Variants in MAN2A1 observed in about 807,000 individuals in gnomAD.
MAN2A1 encodes the protein alpha-mannosidase 2.
In MAN2A1, 76 loss-of-function variants were observed where a neutral mutation model predicts 142.6. That is an observed-to-expected ratio of 0.53 (90% CI 0.44 to 0.65). The LOEUF (loss-of-function observed/expected upper bound fraction) is 0.65, where lower values mean the gene tolerates loss of function less well. MAN2A1 is among the 30% of genes least tolerant of loss of function. The pLI is 0.00. For synonymous variants in MAN2A1, 559 were observed against 473.2 expected (o/e 1.18, Z -2.35); for missense variants, 1,311 against 1,365.1 (o/e 0.96, Z 0.62).
chr5:109,832,149 GGAA>G (rs1275072631), intron 16 of MAN2A1, among the ~76,000 whole-genome samples: 5 of 136,716 alleles, frequency 3.7e-5, no homozygotes, highest in Non-Finnish European at 7.9e-5. Context: ...AGCTGGTAAT[GGAA>G]GGAGTTTTCT....
intron 16 of MAN2A1, among the ~76,000 whole-genome samples, chr5:109,832,370 A>G (rs1754934112): frequency 6.6e-6 from 1 of 151,754 alleles, no homozygotes; most frequent in Non-Finnish European, 1.5e-5. Flanking sequence ...GGGAGTGGTG[A>G]TGACTCTTAA....
intron 20 of MAN2A1, among the ~76,000 whole-genome samples, chr5:109,857,422 G>A (rs1361165007): frequency 6.6e-6 from 1 of 152,108 alleles, no homozygotes; most frequent in Non-Finnish European, 1.5e-5. Context: ...AATACTCTGG[G>A]CTTGAGGTTA....
intron 1 of MAN2A1, among the ~76,000 whole-genome samples, chr5:109,708,386 A>C (rs1318362524): frequency 6.6e-6 from 1 of 152,006 alleles, no homozygotes; most frequent in Non-Finnish European, 1.5e-5. Context: ...TTTGTAAGGA[A>C]GGGGGATAAT....
chr5:109,716,956 C>G (rs1315072957), intron 3 of MAN2A1, among the ~76,000 whole-genome samples: 1 of 152,152 alleles, frequency 6.6e-6, no homozygotes, highest in Admixed American at 6.5e-5. Flanking sequence ...ACCCCTGACC[C>G]CGCCCTGCCA....
chr5:109,854,571 A>G lies in MAN2A1; in HGVS notation c.2977-569A>G, dbSNP rs1411090274. On this transcript the variant is annotated intron_variant, in intron 19 of 21. Transcript: ENST00000261483. Reference sequence around the variant, plus strand: ...TCTAGGCATGCCGCCTATGTTATTTATATTTAAAAATTGGATTTATTTTGA... The same window carrying G: ...TCTAGGCATGCCGCCTATGTTATTTGTATTTAAAAATTGGATTTATTTTGA... 3 of 152,302 alleles carry G rather than the reference A, an allele frequency of 2.0e-5. No individual in the cohort carries two copies. In the South Asian group the frequency reaches 6.2e-4, roughly 32 times the overall value. 9.4% of individuals were successfully genotyped at this position (152,302 alleles called of 1,614,324 possible).
chr5:109,715,859 A>G (rs1751437993), intron 2 of MAN2A1, among the ~76,000 whole-genome samples: 1 of 152,154 alleles, frequency 6.6e-6, no homozygotes, highest in Non-Finnish European at 1.5e-5. Context: ...TAGGAGAAGA[A>G]GGAATAGAAT....
intron 4 of MAN2A1, among the ~76,000 whole-genome samples, chr5:109,735,130 C>T (rs527431204): frequency 6.6e-6 from 1 of 152,218 alleles, no homozygotes; most frequent in African/African-American, 2.4e-5. Flanking sequence ...TAAGTAATGG[C>T]CTTCTTTGTC....
chr5:109,816,130 A>G (rs930001303), intron 12 of MAN2A1, among the ~76,000 whole-genome samples: 3 of 152,234 alleles, frequency 2.0e-5, no homozygotes, highest in Non-Finnish European at 4.4e-5. Context: ...TTATGCTAGT[A>G]AGAAAATCAA....
chr5:109,865,413 C>A, intron 21 of MAN2A1: 1 of 403,254 alleles, frequency 2.5e-6, no homozygotes, highest in Non-Finnish European at 4.6e-6. Context: ...CTATTTCCAG[C>A]CTACAAAGTG....
intron 18 of MAN2A1, among the ~76,000 whole-genome samples, chr5:109,846,318 GA>G (rs1268952501): frequency 6.6e-6 from 1 of 152,174 alleles, no homozygotes; most frequent in African/African-American, 2.4e-5. Flanking sequence ...TGATTTAACG[GA>G]TGTGGAAACT....
At chr5:109,768,227 C>T (rs905367126) in intron 6 of MAN2A1, among the ~76,000 whole-genome samples, 1 of 132,738 alleles carries the variant, frequency 7.5e-6, no homozygotes, top group Non-Finnish European at 1.6e-5. Context: ...TTGTGCAGCT[C>T]TTTATTAGGA....
intron 19 of MAN2A1, among the ~76,000 whole-genome samples, chr5:109,852,734 T>G (rs949931003): frequency 3.7e-4 from 57 of 152,226 alleles, no homozygotes; most frequent in African/African-American, 1.3e-3. Context: ...GGCTGGGGTA[T>G]TCATTTATAA....
chr5:109,843,582 T>C (rs1345799844), intron 17 of MAN2A1, among the ~76,000 whole-genome samples: 1 of 152,224 alleles, frequency 6.6e-6, no homozygotes, highest in African/African-American at 2.4e-5. Flanking sequence ...TCTTCCTCTA[T>C]ATGTGTGTGT....
chr5:109,709,682 T>C (rs1751241378), intron 1 of MAN2A1, among the ~76,000 whole-genome samples: 1 of 152,238 alleles, frequency 6.6e-6, no homozygotes, highest in African/African-American at 2.4e-5. Context: ...ATTTGTTCTC[T>C]CAAAGGTATT....
intron 12 of MAN2A1, among the ~76,000 whole-genome samples, chr5:109,814,014 A>T (rs947627571): frequency 6.6e-6 from 1 of 152,146 alleles, no homozygotes; most frequent in African/African-American, 2.4e-5. Context: ...GAGAACTGAG[A>T]TAATTGCTCA....
chr5:109,708,104 G>A (rs1176165314), intron 1 of MAN2A1, among the ~76,000 whole-genome samples: 2 of 152,116 alleles, frequency 1.3e-5, no homozygotes, highest in African/African-American at 4.8e-5. Flanking sequence ...AACATTTAGA[G>A]CTTGGGAGAG....
At chr5:109,785,794 G>A (rs1025198797) in intron 10 of MAN2A1, among the ~76,000 whole-genome samples, 5 of 151,872 alleles carry the variant, frequency 3.3e-5, no homozygotes, top group Non-Finnish European at 7.4e-5. Flanking sequence ...TCCTGATACT[G>A]TTTATCAGCA....
At chr5:109,731,454 G>T (rs1409760342) in intron 4 of MAN2A1, among the ~76,000 whole-genome samples, 1 of 150,380 alleles carries the variant, frequency 6.6e-6, no homozygotes, top group Non-Finnish European at 1.5e-5. Flanking sequence ...CTGGTGTGCT[G>T]CACCCATTAA....
intron 10 of MAN2A1, 73 bp downstream of exon 10, chr5:109,784,999 T>C (rs1753560292): frequency 1.7e-6 from 2 of 1,180,102 alleles, no homozygotes; most frequent in Non-Finnish European, 2.4e-6. Flanking sequence ...TATCTTTTGG[T>C]GAAGTTGTTA....
Sources: allele counts gnomAD v4.1 joint callset (sites outside exome capture counted in the v4.1 genomes callset), GRCh38; gene constraint gnomAD v4.1.1; transcripts MANE v1.5; gene names NCBI Gene and HGNC (gene_info 2026-07-23, HGNC 2026-07-21).